SAP130: variants seen among roughly 807,000 people sequenced by gnomAD.
SAP130 encodes Sin3A associated protein 130, also known as histone deacetylase complex subunit SAP130.
In SAP130, 16 loss-of-function variants were observed where a neutral mutation model predicts 103.2. The observed-to-expected ratio is 0.16, with a 90% CI of 0.10 to 0.24. The LOEUF (loss-of-function observed/expected upper bound fraction) is 0.24, where lower values mean the gene tolerates loss of function less well. SAP130 is among the 10% of genes least tolerant of loss of function. The probability of loss-of-function intolerance (pLI) is 1.00; values close to 1 mark genes in which losing one functional copy is unlikely to be tolerated. For synonymous variants in SAP130, 477 were observed against 497.0 expected (o/e 0.96, Z 0.53); for missense variants, 990 against 1,359.7 (o/e 0.73, Z 4.28).
intron 2 of SAP130, among the ~76,000 whole-genome samples, chr2:128,023,771 C>T (rs548492804): frequency 8.6e-5 from 13 of 151,994 alleles, no homozygotes; most frequent in African/African-American, 2.7e-4. Flanking sequence ...AGTGAGACTC[C>T]GTCTCAGAAA....
chr2:128,020,950 T>C (rs1435970140), intron 2 of SAP130, among the ~76,000 whole-genome samples: 1 of 151,966 alleles, frequency 6.6e-6, no homozygotes, highest in Non-Finnish European at 1.5e-5. Context: ...GAGCCAAGAC[T>C]GTGCACTCCA....
chr2:127,992,728 C>G (rs542548447), intron 12 of SAP130, among the ~76,000 whole-genome samples: 33 of 152,156 alleles, frequency 2.2e-4, no homozygotes, highest in Non-Finnish European at 2.1e-4. Context: ...GAGAGCATAA[C>G]AACTAAAAAA....
intron 13 of SAP130, among the ~76,000 whole-genome samples, chr2:127,988,185 G>A (rs183394632): frequency 6.6e-6 from 1 of 152,010 alleles, no homozygotes; most frequent in African/African-American, 2.4e-5. Flanking sequence ...CACTTTGGGA[G>A]GACAAGGCTG....
rs189856395 is a variant in SAP130 at position 127,973,587 on chromosome 2, C to A, written c.2063+4398G>T. ...CTATTTGACATCTCCACTTGGGTAT[C>A]CAATCATCTAGATATTGCAAAAGTA... On this transcript the variant is annotated intron_variant, in intron 15 of 20. Transcript: ENST00000643581. Among the ~76,000 whole-genome samples the A allele has an allele frequency of 2.6e-5, 4 of 152,276 alleles. No homozygotes were observed. The East Asian group carries it at 7.7e-4, about 29-fold the overall frequency.
At chr2:127,967,145 A>C (rs1680713564) in intron 15 of SAP130, among the ~76,000 whole-genome samples, 1 of 152,232 alleles carries the variant, frequency 6.6e-6, no homozygotes, top group African/African-American at 2.4e-5. Flanking sequence ...AAGGGCATAA[A>C]GTTTCAGTTA....
chr2:127,983,968 C>T (rs1573739535), intron 14 of SAP130, among the ~76,000 whole-genome samples: 1 of 151,558 alleles, frequency 6.6e-6, no homozygotes, highest in South Asian at 2.1e-4. Context: ...AATATTATAA[C>T]AAACTCCTTA....
intron 15 of SAP130, among the ~76,000 whole-genome samples, chr2:127,971,159 C>T (rs551331118): frequency 3.1e-4 from 47 of 152,018 alleles, no homozygotes; most frequent in African/African-American, 1.0e-3. Context: ...CGCCATATTG[C>T]CCAGGCTGAT....
At chr2:128,005,453 A>G (rs1343894135) in intron 7 of SAP130, among the ~76,000 whole-genome samples, 2 of 151,692 alleles carry the variant, frequency 1.3e-5, no homozygotes, top group Non-Finnish European at 2.9e-5. Context: ...CCCATCTACT[A>G]AAAATACAAA....
chr2:127,970,892 T>C (rs148827144), intron 15 of SAP130, among the ~76,000 whole-genome samples: 5 of 152,160 alleles, frequency 3.3e-5, no homozygotes, highest in Admixed American at 2.6e-4. Flanking sequence ...TGACATGATA[T>C]GACGCATGCT....
Position 127,996,244 on chromosome 2 carries a change from T to TTTTCAGATTTCA in SAP130, c.1355+105_1355+106insTGAAATCTGAAA. 9.5e-7 allele frequency: 1 copy of TTTTCAGATTTCA among 1,054,892 alleles called. No homozygotes were observed. Among genetic ancestry groups the TTTTCAGATTTCA allele is most frequent in the South Asian group, 3.6e-5 (1 of 28,050 alleles). 65.3% of individuals were successfully genotyped at this position (1,054,892 alleles called of 1,614,324 possible). A position where few individuals can be genotyped will look rare whatever the true frequency, so the allele number is the denominator to read the frequency against. On this transcript the variant is annotated intron_variant, in intron 11 of 20. Coordinates refer to ENST00000643581, the MANE Select transcript of SAP130 (RefSeq NM_001330301.2). The surrounding 1 kb of genome is among the most constrained non-coding windows in gnomAD (Gnocchi z 4.3). ...ACTTTCAGGGGAAAATCTGAAAACA[T>TTTTCAGATTTCA]GAGTAATAAATATAGGCCATATTTG...
At position 128,014,841 on chromosome 2, in the gene SAP130, C is replaced by A. The variant is rs540354086; in HGVS notation, c.581G>T (p.Gly194Val). The change falls in exon 5 of 21, where the codon GGG becomes GTG. Residue 194 changes from glycine (G) to valine (V), a missense_variant. Around this residue, in one of 6 missense-constraint regions of SAP130, gnomAD observed 336 missense variants for 520.1 expected, o/e 0.65. Coordinates refer to ENST00000643581, the MANE Select transcript of SAP130 (RefSeq NM_001330301.2). ...AGAAGCTCCAATGTGAAGAGGGGGC[C>A]CAGGAGCATTGCTGCGGATGATAGA... ...QMSIIRSNAP[G>V]PPLHIGASHL... The A allele has an allele frequency of 1.2e-6, 2 of 1,614,012 alleles. No homozygotes were observed. The highest frequency in any genetic ancestry group is 1.7e-6 in the Non-Finnish European group (2 of 1,179,966).
chr2:128,017,980 C>CA (rs1433879685), intron 2 of SAP130, 65 bp from the exon 3 acceptor site: 1 of 1,306,070 alleles, frequency 7.7e-7, no homozygotes, highest in East Asian at 2.4e-5. Flanking sequence ...GCAGCACAGA[C>CA]AAGAGTGGTA....
intron 15 of SAP130, among the ~76,000 whole-genome samples, chr2:127,966,687 G>A (rs1680685177): frequency 1.3e-5 from 2 of 151,548 alleles, no homozygotes; most frequent in South Asian, 4.2e-4. Context: ...TGGGCAATAG[G>A]AGTGAAATTC....
At chr2:127,959,514 C>G (rs1680089555) in intron 15 of SAP130, among the ~76,000 whole-genome samples, 1 of 152,238 alleles carries the variant, frequency 6.6e-6, no homozygotes, top group African/African-American at 2.4e-5. Context: ...AACCGGGAAC[C>G]TGGCCTTCAC....
intron 18 of SAP130, among the ~76,000 whole-genome samples, chr2:127,946,271 G>A (rs1679070314): frequency 6.6e-6 from 1 of 152,176 alleles, no homozygotes; most frequent in South Asian, 2.1e-4. Context: ...CTGTGGCAAA[G>A]GGAATTGGGG....
At chr2:127,951,900 G>A (rs1679519027) in intron 16 of SAP130, among the ~76,000 whole-genome samples, 1 of 152,072 alleles carries the variant, frequency 6.6e-6, no homozygotes. Flanking sequence ...CTATTTTACT[G>A]AAAAAGATAG....
intron 14 of SAP130, among the ~76,000 whole-genome samples, chr2:127,983,356 C>T (rs534311444): frequency 6.6e-6 from 1 of 152,262 alleles, no homozygotes; most frequent in South Asian, 2.1e-4. Context: ...AATAACTTGG[C>T]TATGTGAAAC....
At chr2:127,988,807 A>G (rs1222034243) in intron 13 of SAP130, among the ~76,000 whole-genome samples, 1 of 152,168 alleles carries the variant, frequency 6.6e-6, no homozygotes, top group Non-Finnish European at 1.5e-5. Flanking sequence ...CCAAGATCAC[A>G]CACCACTGCA....
intron 2 of SAP130, among the ~76,000 whole-genome samples, chr2:128,023,560 A>G (rs1403208246): frequency 6.6e-6 from 1 of 152,094 alleles, no homozygotes; most frequent in Non-Finnish European, 1.5e-5. Flanking sequence ...CGGGCAGATC[A>G]AGAGGTCAGG....
Sources: allele counts gnomAD v4.1 joint callset (sites outside exome capture counted in the v4.1 genomes callset), GRCh38; gene constraint gnomAD v4.1.1; regional missense constraint gnomAD v4.1.1; non-coding constraint Gnocchi (gnomAD v3.1); transcripts MANE v1.5; gene names NCBI Gene and HGNC (gene_info 2026-07-23, HGNC 2026-07-21).